Variants in NYAP2 observed in about 807,000 individuals in gnomAD.
The protein encoded by NYAP2 is neuronal tyrosine-phosphorylated phosphoinositide-3-kinase adaptor 2, also known as neuronal tyrosine-phosphorylated phosphoinositide-3-kinase adapter 2.
NYAP2 carries 23 observed loss-of-function variants against 50.4 expected under a neutral mutation model. That is an observed-to-expected ratio of 0.46 (90% CI 0.33 to 0.65). NYAP2 has a LOEUF of 0.65. Among genes scored for constraint, NYAP2 ranks in the 30% least tolerant of loss-of-function variants. The probability of loss-of-function intolerance (pLI) is 0.02; values close to 1 mark genes in which losing one functional copy is unlikely to be tolerated. For synonymous variants in NYAP2, 394 were observed against 365.2 expected (o/e 1.08, Z -0.90); for missense variants, 885 against 861.0 (o/e 1.03, Z -0.35).
chr2:225,619,907 AT>A (rs1693059698), intron 5 of NYAP2, among the ~76,000 whole-genome samples: 1 of 152,258 alleles, frequency 6.6e-6, no homozygotes, highest in Non-Finnish European at 1.5e-5. Context: ...AATAAATTTA[AT>A]TCAAGTTCAG....
chr2:225,420,831 A>G (rs1371869408), intron 3 of NYAP2, among the ~76,000 whole-genome samples: 1 of 152,136 alleles, frequency 6.6e-6, no homozygotes, highest in Non-Finnish European at 1.5e-5. Context: ...TAACTCTGAC[A>G]TATCCAGCTC....
At chr2:225,529,482 C>T (rs1349375971) in intron 4 of NYAP2, among the ~76,000 whole-genome samples, 11 of 151,956 alleles carry the variant, frequency 7.2e-5, no homozygotes, top group African/African-American at 1.7e-4. Flanking sequence ...TGAGCCACCA[C>T]GTCCAACTAA....
chr2:225,438,949 G>A (rs1035091686), intron 3 of NYAP2, among the ~76,000 whole-genome samples: 5 of 152,200 alleles, frequency 3.3e-5, no homozygotes, highest in Admixed American at 1.3e-4. Context: ...CAAAGAAGTG[G>A]TGTGACTAAA....
chr2:225,398,377 G>C (rs1242699611), upstream of NYAP2, among the ~76,000 whole-genome samples: 1 of 151,946 alleles, frequency 6.6e-6, no homozygotes, highest in East Asian at 1.9e-4. Flanking sequence ...CCCCAGACTG[G>C]CAAAATTATC....
intron 3 of NYAP2, among the ~76,000 whole-genome samples, chr2:225,428,609 GC>G (rs771423189): frequency 6.6e-6 from 1 of 152,206 alleles, no homozygotes; most frequent in African/African-American, 2.4e-5. Context: ...GCAGTTCATA[GC>G]TTTCAAACAC....
At chr2:225,692,098 G>C in the NYAP2 span, among the ~76,000 whole-genome samples, 1 of 152,088 alleles carries the variant, frequency 6.6e-6, no homozygotes, top group Non-Finnish European at 1.5e-5. Context: ...TTAACAAGGC[G>C]CTTGCTTGGC....
chr2:225,451,471 G>A (rs905035890), intron 3 of NYAP2, among the ~76,000 whole-genome samples: 52 of 152,040 alleles, frequency 3.4e-4, no homozygotes, highest in African/African-American at 1.2e-3. Context: ...ACTTAGATCT[G>A]GCACAATGCC....
the NYAP2 span, among the ~76,000 whole-genome samples, chr2:225,686,096 G>A: frequency 7.2e-5 from 11 of 152,230 alleles, no homozygotes; most frequent in East Asian, 2.1e-3. Context: ...CACCTCGATA[G>A]ATGGTGTGCT....
intron 4 of NYAP2, among the ~76,000 whole-genome samples, chr2:225,526,524 C>A (rs979762786): frequency 6.6e-6 from 1 of 152,148 alleles, no homozygotes; most frequent in Non-Finnish European, 1.5e-5. Flanking sequence ...TTAGCTTTTT[C>A]TGAATTTATT....
intron 3 of NYAP2, among the ~76,000 whole-genome samples, chr2:225,458,591 T>C (rs749340707): frequency 5.9e-5 from 9 of 152,218 alleles, no homozygotes; most frequent in Non-Finnish European, 1.3e-4. Context: ...TGATTCATAC[T>C]GAAGAAGAAC....
intron 4 of NYAP2, among the ~76,000 whole-genome samples, chr2:225,537,882 G>T (rs1446725545): frequency 6.6e-6 from 1 of 152,180 alleles, no homozygotes; most frequent in African/African-American, 2.4e-5. Flanking sequence ...GGGGATACAG[G>T]CATTGGATAA....
intron 6 of NYAP2, among the ~76,000 whole-genome samples, chr2:225,645,238 G>GAAA (rs36010669): frequency 2.0e-5 from 2 of 101,514 alleles, no homozygotes. Context: ...AGCCTGGGCA[G>GAAA]AAAAAAAAAA....
chr2:225,549,315 A>G (rs1691634619), intron 4 of NYAP2, among the ~76,000 whole-genome samples: 1 of 152,232 alleles, frequency 6.6e-6, no homozygotes, highest in Non-Finnish European at 1.5e-5. Context: ...CCATTTACGT[A>G]TCTGTTTCCA....
chr2:225,684,440 GCT>G, the NYAP2 span, among the ~76,000 whole-genome samples: 2 of 150,330 alleles, frequency 1.3e-5, no homozygotes, highest in East Asian at 3.9e-4. Context: ...CAAAATTCAG[GCT>G]CTGTCAGCCT....
At chr2:225,434,412 T>A (rs918672874) in intron 3 of NYAP2, among the ~76,000 whole-genome samples, 1 of 152,228 alleles carries the variant, frequency 6.6e-6, no homozygotes, top group Non-Finnish European at 1.5e-5. Flanking sequence ...CTGGCTGTTC[T>A]TAGAGTTTAG....
At chr2:225,478,732 A>G (rs1050220057) in intron 3 of NYAP2, among the ~76,000 whole-genome samples, 5 of 152,266 alleles carry the variant, frequency 3.3e-5, no homozygotes. Flanking sequence ...AGCTAGGTTC[A>G]GGAACATGAG....
chr2:225,520,174 C>T (rs1691021478), intron 4 of NYAP2, among the ~76,000 whole-genome samples: 2 of 152,114 alleles, frequency 1.3e-5, no homozygotes, highest in South Asian at 2.1e-4. Context: ...GGATATTAGC[C>T]TTTTGTCAGA....
At chr2:225,493,302 G>A (rs1553542829) in intron 3 of NYAP2, among the ~76,000 whole-genome samples, 1 of 152,088 alleles carries the variant, frequency 6.6e-6, no homozygotes, top group Non-Finnish European at 1.5e-5. Context: ...CAACTTTTAT[G>A]TTTTTTTAAA....
chr2:225,453,622 C>T (rs574730536), intron 3 of NYAP2, among the ~76,000 whole-genome samples: 35 of 152,104 alleles, frequency 2.3e-4, no homozygotes, highest in Middle Eastern at 3.4e-3. Context: ...TCATGGGATA[C>T]TTTTCAGAAA....
Sources: gnomAD v4.1 joint callset for allele counts (sites outside exome capture counted in the v4.1 genomes callset) on GRCh38, gnomAD v4.1.1 for gene constraint, MANE v1.5 for transcripts, NCBI Gene and HGNC (gene_info 2026-07-23, HGNC 2026-07-21) for gene names.